Variants in CTDP1 observed in about 807,000 individuals in gnomAD.
CTDP1 encodes RNA polymerase II subunit A C-terminal domain phosphatase.
In CTDP1, 47 loss-of-function variants were observed where a neutral mutation model predicts 91.8. The observed-to-expected ratio is 0.51, with a 90% CI of 0.41 to 0.65. The LOEUF (loss-of-function observed/expected upper bound fraction) is 0.65. Among genes scored for constraint, CTDP1 ranks in the 30% least tolerant of loss-of-function variants. The probability of loss-of-function intolerance (pLI) is 0.00; values close to 1 mark genes in which losing one functional copy is unlikely to be tolerated. For synonymous variants in CTDP1, 656 were observed against 598.5 expected, an observed-to-expected ratio of 1.10 and a Z score of -1.40; for missense variants, 1,272 against 1,373.7, an observed-to-expected ratio of 0.93 and a Z score of 1.17.
intron 5 of CTDP1, 102 bp from the exon 6 acceptor site, chr18:79,710,244 G>T: frequency 2.2e-6 from 2 of 910,048 alleles, no homozygotes; most frequent in Non-Finnish European, 3.7e-6. Context: ...TCATCATGTT[G>T]TGTGTCTGCC....
intron 1 of CTDP1, among the ~76,000 whole-genome samples, chr18:79,684,648 G>A (rs560287572): frequency 3.5e-4 from 53 of 151,046 alleles, no homozygotes; most frequent in African/African-American, 1.3e-3. Flanking sequence ...CCGTGCCCTC[G>A]TTGCCTGCAT....
intron 10 of CTDP1, among the ~76,000 whole-genome samples, chr18:79,718,744 G>A (rs2086271980): frequency 6.6e-6 from 1 of 152,152 alleles, no homozygotes; most frequent in Non-Finnish European, 1.5e-5. Context: ...TTGTTGCTTT[G>A]AAATTCAACC....
intron 5 of CTDP1, among the ~76,000 whole-genome samples, chr18:79,708,929 C>T (rs1253856060): frequency 6.6e-6 from 1 of 152,240 alleles, no homozygotes; most frequent in African/African-American, 2.4e-5. Context: ...ATGTTAAACT[C>T]AGTAAATGTT....
intron 1 of CTDP1, among the ~76,000 whole-genome samples, chr18:79,684,938 G>A (rs1195386157): frequency 1.4e-5 from 2 of 143,806 alleles, no homozygotes; most frequent in Admixed American, 1.4e-4. Context: ...ACGGTGCAGG[G>A]ACCTCGTGGT....
chr18:79,709,170 T>C (rs768942183), intron 5 of CTDP1, among the ~76,000 whole-genome samples: 14 of 152,246 alleles, frequency 9.2e-5, no homozygotes, highest in Non-Finnish European at 1.3e-4. Context: ...ATGGAATAAA[T>C]TACCTGAAAG....
intron 10 of CTDP1, among the ~76,000 whole-genome samples, chr18:79,723,498 T>A (rs2086386981): frequency 6.6e-6 from 1 of 152,228 alleles, no homozygotes. Context: ...ACGTTTTTTC[T>A]AATTCTGGCT....
At chr18:79,731,319 T>C (rs1381620174) in intron 11 of CTDP1, among the ~76,000 whole-genome samples, 2 of 152,146 alleles carry the variant, frequency 1.3e-5, no homozygotes, top group African/African-American at 4.8e-5. Context: ...GCTGCTCCAG[T>C]GGTAGAGGAA....
intron 1 of CTDP1, among the ~76,000 whole-genome samples, chr18:79,694,219 G>T (rs1219188447): frequency 0.01 from 1,506 of 145,204 alleles, 38 homozygotes; most frequent in African/African-American, 0.038. Context: ...CTGCAGGGCA[G>T]GGTGGTCGGA....
chr18:79,747,863 C>G (rs1202108451), intron 12 of CTDP1, among the ~76,000 whole-genome samples: 1 of 152,188 alleles, frequency 6.6e-6, no homozygotes, highest in Non-Finnish European at 1.5e-5. Flanking sequence ...GGATTAGATG[C>G]TGGTGTGACA....
At chr18:79,706,613 A>T (rs1182801445) in intron 5 of CTDP1, among the ~76,000 whole-genome samples, 3 of 152,062 alleles carry the variant, frequency 2.0e-5, no homozygotes, top group Non-Finnish European at 4.4e-5. Flanking sequence ...GTACAAGTTT[A>T]CATACCGTTC....
chr18:79,714,319 T>G (rs1280582195), intron 7 of CTDP1, among the ~76,000 whole-genome samples, 172 bp from the exon 8 acceptor site: 1 of 152,160 alleles, frequency 6.6e-6, no homozygotes, highest in African/African-American at 2.4e-5. Context: ...TCCCACGCAC[T>G]TCAGGTAAGG....
Position 79,753,818 on chromosome 18 carries a change from C to T in CTDP1, c.*28C>T. 6.2e-7 allele frequency: 1 copy of T among 1,609,470 alleles called. No homozygotes were observed. The highest frequency in any genetic ancestry group is 8.5e-7 in the Non-Finnish European group (1 of 1,178,772). ...GCGGGCAGCGGGCAGGGACTGAAGC[C>T]TGACCGACCTCCAGCAGCACTCGGA... On this transcript the variant is annotated 3_prime_UTR_variant, in exon 13 of 13. Coordinates refer to ENST00000613122, the MANE Select transcript of CTDP1 (RefSeq NM_004715.5).
intron 12 of CTDP1, among the ~76,000 whole-genome samples, chr18:79,747,833 T>C (rs1428430149): frequency 6.6e-6 from 1 of 152,190 alleles, no homozygotes; most frequent in Non-Finnish European, 1.5e-5. Context: ...CCTGTGCCTG[T>C]GGATTGTTCC....
chr18:79,738,114 C>T (rs2086704001), intron 12 of CTDP1, among the ~76,000 whole-genome samples: 1 of 149,386 alleles, frequency 6.7e-6, no homozygotes, highest in Non-Finnish European at 1.5e-5. Context: ...GAGTACATCT[C>T]CCAGAAGCTT....
intron 4 of CTDP1, 132 bp from the exon 5 acceptor site, chr18:79,704,635 C>CT: frequency 1.6e-6 from 2 of 1,231,614 alleles, no homozygotes; most frequent in Non-Finnish European, 2.3e-6. Flanking sequence ...CTGTCGGGCA[C>CT]ACGCGTGTCT....
upstream of CTDP1, chr18:79,677,500 T>C (rs2085268639): frequency 1.3e-5 from 2 of 152,310 alleles, no homozygotes; most frequent in Admixed American, 1.3e-4. Context: ...GAAGTGCTGC[T>C]GCCTGTGACT....
chr18:79,677,695 G>T (rs969122534), upstream of CTDP1: 2 of 152,296 alleles, frequency 1.3e-5, no homozygotes, highest in African/African-American at 2.4e-5. Flanking sequence ...GTCTGTAAAT[G>T]TTGCCCATGC....
chr18:79,698,690 G>GTGTTTGC (rs1304710543), intron 4 of CTDP1, among the ~76,000 whole-genome samples: 1 of 152,178 alleles, frequency 6.6e-6, no homozygotes, highest in Non-Finnish European at 1.5e-5. Flanking sequence ...TGTTTTTTAA[G>GTGTTTGC]TGTTTGCTAT....
chr18:79,755,174 ATGG>A (rs2122931994), downstream of CTDP1: 1 of 152,310 alleles, frequency 6.6e-6, no homozygotes, highest in South Asian at 2.1e-4. Context: ...ATGCGGCGAC[ATGG>A]TGGCAGAGGA....
Sources: gnomAD v4.1 joint callset for allele counts (sites outside exome capture counted in the v4.1 genomes callset) on GRCh38, gnomAD v4.1.1 for gene constraint, MANE v1.5 for transcripts, NCBI Gene and HGNC (gene_info 2026-07-23, HGNC 2026-07-21) for gene names.